The following NOTCH3 variants were observed in gnomAD, a reference collection of about 807,000 sequenced individuals.
The protein encoded by NOTCH3 is notch receptor 3.
A neutral mutation model predicts 213.3 loss-of-function variants in NOTCH3; 86 were observed. That is an observed-to-expected ratio of 0.40 (90% CI 0.34 to 0.48). The LOEUF (loss-of-function observed/expected upper bound fraction) is 0.48, where lower values mean the gene tolerates loss of function less well. Ranked by LOEUF, NOTCH3 falls within the 20% of genes least tolerant of loss-of-function variation. NOTCH3 has a pLI of 0.57. For missense variants in NOTCH3, 2,783 were observed against 3,272.6 expected, an observed-to-expected ratio of 0.85 and a Z score of 3.65; for synonymous variants, 1,354 against 1,355.9, an observed-to-expected ratio of 1.00 and a Z score of 0.03.
Position 15,178,085 on chromosome 19 carries a change from G to C in NOTCH3, c.3843C>G (p.Phe1281Leu). The change falls in exon 24 of 33, where the codon TTC becomes TTG. Residue 1281 changes from phenylalanine (F) to leucine (L), a missense_variant. Phe to Leu is a conservative substitution (Grantham distance 22). Coordinates refer to ENST00000263388, the MANE Select transcript of NOTCH3 (RefSeq NM_000435.3). ...CCACCCGCTCGCAACGCGGACCCCAGAACGGCTGGGGGTCGGGTTTGGGGA... is the reference window on the plus strand; with the variant it reads ...CCACCCGCTCGCAACGCGGACCCCACAACGGCTGGGGGTCGGGTTTGGGGA... Reference protein sequence around the residue: ...LTFTCHCAQPFWGPRCERVAR... With the variant: ...LTFTCHCAQPLWGPRCERVAR... The C allele has an allele frequency of 1.3e-6, 2 of 1,514,096 alleles. No individual in the cohort carries two copies. The highest frequency in any genetic ancestry group is 1.8e-6 in the Non-Finnish European group (2 of 1,135,478). The allele number at this position is 1,514,096 out of a possible 1,614,324, so 93.8% of individuals were successfully genotyped here.
rs1419483709 is a variant in NOTCH3, at chr19:15,191,790, C to T, written c.757G>A (p.Asp253Asn). The T allele has an allele frequency of 6.2e-7, 1 of 1,613,986 alleles. No individual in the cohort carries two copies. The highest frequency in any genetic ancestry group is 8.5e-7 in the Non-Finnish European group (1 of 1,180,042). The change falls in exon 5 of 33, where the codon GAT (aspartate) becomes AAT (asparagine). Residue 253 changes from aspartate (D) to asparagine (N), a missense_variant. Transcript: ENST00000263388. Reference sequence around the variant, plus strand: ...TGGCAGTTATAGGTGTTGACGCCATCCACGCATGTCCCCCCATTGAGACAT... The same window carrying T: ...TGGCAGTTATAGGTGTTGACGCCATTCACGCATGTCCCCCCATTGAGACAT... The part of the protein sequence containing the change: ...HRCLNGGTCV[D>N]GVNTYNCQCP...
chr19:15,178,712 C>A, intron 23 of NOTCH3, 111 bp downstream of exon 23: 1 of 812,492 alleles, frequency 1.2e-6, no homozygotes, highest in Non-Finnish European at 2.1e-6. Flanking sequence ...CAGAAACTCC[C>A]TTCCCTTCGA....
chr19:15,185,670 C>T lies in NOTCH3; in HGVS notation c.1961G>A (p.Cys654Tyr). 1 of 1,613,294 alleles carries T rather than the reference C, an allele frequency of 6.2e-7. No individual in the cohort carries two copies. Among genetic ancestry groups the T allele is most frequent in the Non-Finnish European group, 8.5e-7 (1 of 1,180,008 alleles). Residue 654 changes from cysteine (C) to tyrosine (Y), a missense_variant, in exon 13 of 33, where the codon TGT becomes TAT. By Grantham distance (194) the Cys-to-Tyr change is radical (BLOSUM62 -2). This residue lies in a region of NOTCH3 where 861 missense variants were observed against 909.1 expected (regional missense o/e 0.95). Transcript: ENST00000263388. The surrounding 1 kb of genome is among the most constrained non-coding windows in gnomAD (Gnocchi z 4.2). Reference sequence around the variant, plus strand: ...AGCACACTCATTGATCTCCACGTTACAAAGGGGCCCTGGGGAGTACACAAG... The same window carrying T: ...AGCACACTCATTGATCTCCACGTTATAAAGGGGCCCTGGGGAGTACACAAG... ...VCQPGFTGPL[C>Y]NVEINECASS...
chr19:15,175,556 C>CATATATATATATATAT (rs71168593), intron 24 of NOTCH3, among the ~76,000 whole-genome samples: 12 of 90,216 alleles, frequency 1.3e-4, no homozygotes, highest in African/African-American at 5.6e-4. Context: ...AAAAAAAATA[C>CATATATATATATATAT]ATATATATAT....
chr19:15,170,723 C>G lies in NOTCH3; in HGVS notation c.4839G>C (p.Ala1613=). The G allele has an allele frequency of 6.2e-7, 1 of 1,605,388 alleles. No individual in the cohort carries two copies. Among genetic ancestry groups the G allele is most frequent in the Non-Finnish European group, 8.5e-7 (1 of 1,176,562 alleles). Residue 1613 remains alanine, a synonymous_variant, in exon 26 of 33, where the codon GCG becomes GCC. Coordinates refer to ENST00000263388, the MANE Select transcript of NOTCH3 (RefSeq NM_000435.3). ...DAQSAADYLG[A]LSAVERLDFP... is the part of the protein sequence containing the mutation. ...AGTCCAGGCGCTCCACCGCTGACAA[C>G]GCTCCCAGGTAGTCAGCGGCGCTCT...
At chr19:15,195,184 C>T (rs889980868) in intron 2 of NOTCH3, among the ~76,000 whole-genome samples, 1 of 152,046 alleles carries the variant, frequency 6.6e-6, no homozygotes, top group African/African-American at 2.4e-5. Flanking sequence ...CACAAACCCT[C>T]AAGTCCCTTC....
chr19:15,184,370 C>T lies in NOTCH3; in HGVS notation c.2491G>A (p.Gly831Arg). ...CCATGGCAGGTGCAGCTGAAACTCC[C>T]TGCCAGGTTGGTGCAGATACCATGA... ...GPHGICTNLA[G>R]SFSCTCHGGY... Residue 831 changes from glycine to arginine, a missense_variant, in exon 16 of 33, where the codon GGG becomes AGG. This residue lies in a region of NOTCH3 where 861 missense variants were observed against 909.1 expected (regional missense o/e 0.95). Coordinates refer to ENST00000263388, the MANE Select transcript of NOTCH3 (RefSeq NM_000435.3). The T allele has an allele frequency of 6.2e-7, 1 of 1,613,914 alleles. No individual in the cohort carries two copies. Among genetic ancestry groups the T allele is most frequent in the Non-Finnish European group, 8.5e-7 (1 of 1,179,980 alleles).
chr19:15,195,522 G>A (rs1266056878), intron 2 of NOTCH3, among the ~76,000 whole-genome samples: 1 of 145,408 alleles, frequency 6.9e-6, no homozygotes, highest in Non-Finnish European at 1.5e-5. Flanking sequence ...TGTCCCAGAC[G>A]CCTGAGACTG....
rs1159825255 is a variant in NOTCH3, at chr19:15,166,186, A to G, written c.5363-95T>C. ...ACCCCATTAGGAGCTAATGGGACAC[A>G]TGGAAAAATGACAATTAGCAGATCC... On this transcript the variant is annotated intron_variant, in intron 29 of 32. Transcript: ENST00000263388. 9.4e-6 allele frequency: 10 copies of G among 1,060,928 alleles called. No homozygotes were observed. In the East Asian group the frequency reaches 2.2e-4, roughly 23 times the overall value. 65.7% of individuals were successfully genotyped at this position (1,060,928 alleles called of 1,614,324 possible). A position where few individuals can be genotyped will look rare whatever the true frequency, so the allele number is the denominator to read the frequency against.
chr19:15,173,518 A>C (rs1360638623), intron 25 of NOTCH3, among the ~76,000 whole-genome samples: 1 of 151,012 alleles, frequency 6.6e-6, no homozygotes, highest in African/African-American at 2.4e-5. Flanking sequence ...TCCTCCAAGT[A>C]GCTGGGACTA....
intron 2 of NOTCH3, among the ~76,000 whole-genome samples, chr19:15,195,062 G>C (rs1307049065): frequency 6.6e-6 from 1 of 151,778 alleles, no homozygotes; most frequent in Non-Finnish European, 1.5e-5. Context: ...TACACACACA[G>C]AGGGACACAC....
Position 15,191,655 on chromosome 19 carries a change from G to A in NOTCH3, c.805C>T (p.Gln269Ter). Residue 269 changes from glutamine to a stop codon, truncating the protein, a stop_gained and splice_region_variant, in exon 6 of 33, where the codon CAG becomes TAG. Transcript: ENST00000263388. LOFTEE classifies it high-confidence loss of function. ...TCATCCACGTCCTCCGTGCAGAACT[G>A]GCCTGTGGCACACAGATGCAGCAGT... ...NCQCPPEWTG[Q>*]FCTEDVDECQ... 1 of 1,613,606 alleles carries A rather than the reference G, an allele frequency of 6.2e-7. No homozygotes were observed. The highest frequency in any genetic ancestry group is 8.5e-7 in the Non-Finnish European group (1 of 1,179,992).
chr19:15,172,156 A>G lies in NOTCH3; in HGVS notation c.4737-1331T>C, dbSNP rs571944680. ...GGTGATCCACCCGCCTCAACCTCCC[A>G]AAGTGCTGGGATCACAGTTGTGAGC... On this transcript the variant is annotated intron_variant, in intron 25 of 32. Coordinates refer to ENST00000263388, the MANE Select transcript of NOTCH3 (RefSeq NM_000435.3). 2.6e-5 allele frequency among the ~76,000 whole-genome samples: 4 copies of G among 152,196 alleles called. No homozygotes were observed. The East Asian group carries it at 7.7e-4, about 29-fold the overall frequency.
chr19:15,171,245 C>T (rs1319476680), intron 25 of NOTCH3, among the ~76,000 whole-genome samples: 1 of 152,130 alleles, frequency 6.6e-6, no homozygotes, highest in Non-Finnish European at 1.5e-5. Context: ...CCAGGCTGGT[C>T]TTGAACTCCT....
At position 15,165,646 on chromosome 19, in the gene NOTCH3, T is replaced by A; in HGVS notation, c.5668-131A>T. 9.2e-7 allele frequency: 1 copy of A among 1,091,646 alleles called. No individual in the cohort carries two copies. The highest frequency in any genetic ancestry group is 1.3e-6 in the Non-Finnish European group (1 of 780,470). The allele number at this position is 1,091,646 out of a possible 1,614,324, so 67.6% of individuals were successfully genotyped here. On this transcript the variant is annotated intron_variant, in intron 30 of 32. Transcript: ENST00000263388. This position sits in a 1 kb window ranked among gnomAD's most constrained non-coding sequence, Gnocchi z 4.7. ...AAATTGGTGAGGTTCAGGGAGCAGC[T>A]GCTTGACAGATACTGTATTCCCATA... is the stretch of plus-strand genomic sequence containing the variant.
intron 16 of NOTCH3, 139 bp from the exon 17 acceptor site, chr19:15,181,940 T>G (rs553661681): frequency 1.4e-6 from 1 of 717,634 alleles, no homozygotes; most frequent in South Asian, 1.8e-5. Context: ...CAGAGGAATC[T>G]AAATCCATCC....
At chr19:15,166,943 C>T (rs141816919) in intron 29 of NOTCH3, among the ~76,000 whole-genome samples, 733 of 33,390 alleles carry the variant, frequency 0.022, 2 homozygotes, top group Non-Finnish European at 0.034. Context: ...CAGAATGCAT[C>T]CTGAGACTTT....
chr19:15,184,595 A>T lies in NOTCH3; in HGVS notation c.2411-145T>A. 3 of 781,022 alleles carry T rather than the reference A, an allele frequency of 3.8e-6. No individual in the cohort carries two copies. The East Asian group carries it at 8.0e-5, about 21-fold the overall frequency. The allele number at this position is 781,022 out of a possible 1,614,324, so 48.4% of individuals were successfully genotyped here. A position where few individuals can be genotyped will look rare whatever the true frequency, so the allele number is the denominator to read the frequency against. On this transcript the variant is annotated intron_variant, in intron 15 of 32. Coordinates refer to ENST00000263388, the MANE Select transcript of NOTCH3 (RefSeq NM_000435.3). ...TCATTCGTGTCTGGGCATTTTGCATATGCAGTTTCAGAATGGCCGTCTCCC... is the reference window on the plus strand; with the variant it reads ...TCATTCGTGTCTGGGCATTTTGCATTTGCAGTTTCAGAATGGCCGTCTCCC...
intron 28 of NOTCH3, 87 bp downstream of exon 28, chr19:15,169,999 T>C: frequency 1.3e-6 from 1 of 742,020 alleles, no homozygotes; most frequent in South Asian, 1.5e-5. Flanking sequence ...CATCCCCTGA[T>C]CACGCCCATC....
Sources: gnomAD v4.1 joint callset for allele counts (sites outside exome capture counted in the v4.1 genomes callset) on GRCh38, gnomAD v4.1.1 for gene constraint, gnomAD v4.1.1 regional missense constraint, Gnocchi (gnomAD v3.1) non-coding constraint, MANE v1.5 for transcripts, NCBI Gene and HGNC (gene_info 2026-07-23, HGNC 2026-07-21) for gene names.